CDH13: variants seen among roughly 807,000 people sequenced by gnomAD.
The protein encoded by CDH13 is cadherin-13.
A neutral mutation model predicts 63.8 loss-of-function variants in CDH13; 24 were observed. The observed-to-expected ratio is 0.38, with a 90% CI of 0.27 to 0.53. The LOEUF is 0.53. Among genes scored for constraint, CDH13 ranks in the 20% least tolerant of loss-of-function variants. The pLI, the probability that CDH13 is intolerant of heterozygous loss-of-function variation, is 0.85. For missense variants in CDH13, 1,049 were observed against 903.1 expected, an observed-to-expected ratio of 1.16 and a Z score of -2.07; for synonymous variants, 503 against 355.3, an observed-to-expected ratio of 1.42 and a Z score of -4.67.
chr16:83,706,466 T>A (rs912054860), intron 10 of CDH13, among the ~76,000 whole-genome samples: 2 of 152,198 alleles, frequency 1.3e-5, no homozygotes, highest in African/African-American at 4.8e-5. Context: ...AGCCAAAGTC[T>A]GCATGAAGAG....
intron 10 of CDH13, among the ~76,000 whole-genome samples, chr16:83,686,569 A>C (rs1270171605): frequency 6.6e-6 from 1 of 152,248 alleles, no homozygotes; most frequent in Non-Finnish European, 1.5e-5. Context: ...TACATTTGCA[A>C]ACTATTTGTA....
intron 1 of CDH13, among the ~76,000 whole-genome samples, chr16:82,652,691 G>T (rs1910862056): frequency 6.6e-6 from 1 of 150,460 alleles, no homozygotes; most frequent in Admixed American, 6.6e-5. Flanking sequence ...TAACTGGCCT[G>T]CATTACCTAG....
In CDH13 at chr16:83,195,551, C is replaced by T. The variant is rs537503557; in HGVS notation, c.484-21794C>T. 1.7e-3 allele frequency among the ~76,000 whole-genome samples: 255 copies of T among 152,174 alleles called. 1 individual carries two copies. In the Middle Eastern group the frequency reaches 0.02, roughly 12 times the overall value. On this transcript the variant is annotated intron_variant, in intron 4 of 13. Transcript: ENST00000567109. ...TTCAAACAACCAGATCTCCTGAGAA[C>T]TCTATCACGAGAATAGCACTAGGAG... is the stretch of plus-strand genomic sequence containing the variant.
intron 11 of CDH13, among the ~76,000 whole-genome samples, chr16:83,764,152 T>C (rs1229322844): frequency 3.9e-5 from 6 of 152,182 alleles, no homozygotes; most frequent in African/African-American, 1.4e-4. Flanking sequence ...TCTAAGCATG[T>C]CATTACAGAA....
At chr16:83,741,864 A>T (rs1175657616) in intron 10 of CDH13, among the ~76,000 whole-genome samples, 3 of 152,104 alleles carry the variant, frequency 2.0e-5, no homozygotes, top group African/African-American at 7.2e-5. Flanking sequence ...CACAAATCCT[A>T]TTGTGAACTG....
intron 1 of CDH13, among the ~76,000 whole-genome samples, chr16:82,841,602 G>A (rs1236546694): frequency 1.3e-5 from 2 of 152,118 alleles, no homozygotes; most frequent in African/African-American, 4.8e-5. Context: ...AACCAAAATT[G>A]TGGTGGCCCA....
chr16:82,751,436 G>C (rs2034409687), intron 1 of CDH13, among the ~76,000 whole-genome samples: 1 of 152,022 alleles, frequency 6.6e-6, no homozygotes, highest in Non-Finnish European at 1.5e-5. Context: ...GAGGTCTTTA[G>C]CCACCTGATC....
chr16:83,192,695 A>G (rs12716963), intron 4 of CDH13, among the ~76,000 whole-genome samples: 49,112 of 151,976 alleles, frequency 0.32, 10,596 homozygotes, highest in African/African-American at 0.62. Context: ...TGCGTGCTGT[A>G]TCACCAAGCC....
intron 6 of CDH13, among the ~76,000 whole-genome samples, chr16:83,442,419 A>C (rs747481643): frequency 6.6e-6 from 1 of 152,210 alleles, no homozygotes; most frequent in African/African-American, 2.4e-5. Flanking sequence ...CCCATCATTA[A>C]AGAGCACAAA....
chr16:83,733,204 G>A (rs200190479), intron 10 of CDH13, among the ~76,000 whole-genome samples: 227 of 152,272 alleles, frequency 1.5e-3, no homozygotes, highest in Non-Finnish European at 2.4e-3. Context: ...TGAGCACTCA[G>A]TGATGGAAAT....
intron 1 of CDH13, chr16:82,824,012 A>C (rs1273777078): frequency 6.6e-6 from 1 of 152,196 alleles, no homozygotes; most frequent in Non-Finnish European, 1.5e-5. Context: ...TCTTGAGAAA[A>C]TGATTGAGTT....
intron 1 of CDH13, among the ~76,000 whole-genome samples, chr16:82,685,636 G>A (rs1031422616): frequency 7.9e-5 from 12 of 152,008 alleles, no homozygotes; most frequent in African/African-American, 2.9e-4. Flanking sequence ...GTGTGTGCAT[G>A]TGCTCTGTGT....
At chr16:82,709,480 C>T (rs952938070) in intron 1 of CDH13, among the ~76,000 whole-genome samples, 1 of 152,176 alleles carries the variant, frequency 6.6e-6, no homozygotes, top group African/African-American at 2.4e-5. Flanking sequence ...ATTCTAGCTC[C>T]ATGCTTGCAA....
intron 5 of CDH13, among the ~76,000 whole-genome samples, chr16:83,312,631 C>T (rs2090025284): frequency 6.6e-6 from 1 of 152,122 alleles, no homozygotes; most frequent in African/African-American, 2.4e-5. Context: ...CAGGGAAACA[C>T]AGAGAGGTAA....
chr16:83,020,710 G>T (rs1198025047), intron 2 of CDH13, among the ~76,000 whole-genome samples: 1 of 152,144 alleles, frequency 6.6e-6, no homozygotes. Context: ...CTTTCTCCTG[G>T]TTCTGCCTCC....
At chr16:83,499,228 A>G (rs2074215986) in intron 7 of CDH13, among the ~76,000 whole-genome samples, 1 of 152,260 alleles carries the variant, frequency 6.6e-6, no homozygotes, top group South Asian at 2.1e-4. Flanking sequence ...TAATATAGAA[A>G]GATGTTCACC....
intron 2 of CDH13, among the ~76,000 whole-genome samples, chr16:82,975,895 C>T (rs1215256298): frequency 6.6e-6 from 1 of 152,060 alleles, no homozygotes; most frequent in Non-Finnish European, 1.5e-5. Context: ...CAGTTGAATA[C>T]AACTTATTTT....
At chr16:83,332,536 G>A (rs942153181) in intron 5 of CDH13, among the ~76,000 whole-genome samples, 5 of 152,220 alleles carry the variant, frequency 3.3e-5, no homozygotes, top group East Asian at 1.9e-4. Flanking sequence ...AAAAGGGCAC[G>A]TAAAAATACA....
intron 9 of CDH13, among the ~76,000 whole-genome samples, chr16:83,674,651 CAGA>C (rs1914802286): frequency 6.6e-6 from 1 of 152,186 alleles, no homozygotes; most frequent in Admixed American, 6.5e-5. Flanking sequence ...ATCCAACATA[CAGA>C]AGAACTATTT....
Sources: allele counts gnomAD v4.1 joint callset (sites outside exome capture counted in the v4.1 genomes callset), GRCh38; gene constraint gnomAD v4.1.1; transcripts MANE v1.5; gene names NCBI Gene and HGNC (gene_info 2026-07-23, HGNC 2026-07-21).